SPATA1: variants seen among roughly 807,000 people sequenced by gnomAD.
SPATA1 encodes the protein spermatogenesis-associated protein 1.
A neutral mutation model predicts 59.6 loss-of-function variants in SPATA1; 57 were observed. The observed-to-expected ratio is 0.96, with a 90% confidence interval of 0.77 to 1.19. The LOEUF (loss-of-function observed/expected upper bound fraction) is 1.19, where lower values mean the gene tolerates loss of function less well. Among genes scored for constraint, SPATA1 ranks in the 50% most tolerant of loss-of-function variants. The pLI is 0.00. For synonymous variants in SPATA1, 147 were observed against 163.9 expected (o/e 0.90, Z 0.79); for missense variants, 448 against 480.7 (o/e 0.93, Z 0.64).
intron 8 of SPATA1, among the ~76,000 whole-genome samples, chr1:84,537,242 A>T (rs911979743): frequency 6.6e-6 from 1 of 152,108 alleles, no homozygotes; most frequent in Non-Finnish European, 1.5e-5. Context: ...TTACTATATA[A>T]GAGAAAACAG....
intron 1 of SPATA1, among the ~76,000 whole-genome samples, chr1:84,509,247 G>A (rs1682426891): frequency 6.7e-6 from 1 of 150,308 alleles, no homozygotes; most frequent in South Asian, 2.1e-4. Flanking sequence ...ACAGAATAGA[G>A]AACCCAGAAA....
intron 4 of SPATA1, chr1:84,563,691 A>G (rs748043829): frequency 8.3e-7 from 1 of 1,200,156 alleles, no homozygotes; most frequent in Non-Finnish European, 1.2e-6. Context: ...ACTCTAAAAA[A>G]TATAATAGAT....
Position 84,532,982 on chromosome 1 carries a change from G to A in SPATA1, c.659+8G>A, listed in dbSNP as rs1050114664. ...CTTTGGCACTAAAAAAAGGTAATTAGTATAGATGCTGATTCCACATGCCAT... is the reference window on the plus strand; with the variant it reads ...CTTTGGCACTAAAAAAAGGTAATTAATATAGATGCTGATTCCACATGCCAT... On this transcript the variant is annotated splice_region_variant and intron_variant, in intron 7 of 12. Transcript: ENST00000490879. The A allele has an allele frequency of 5.7e-5, 86 of 1,521,580 alleles. No individual in the cohort carries two copies. The highest frequency in any genetic ancestry group is 7.5e-5 in the Non-Finnish European group (84 of 1,121,668). The allele number at this position is 1,521,580 out of a possible 1,614,324, so 94.3% of individuals were successfully genotyped here. A position where few individuals can be genotyped will look rare whatever the true frequency, so the allele number is the denominator to read the frequency against.
At position 84,532,976 on chromosome 1, in the gene SPATA1, TAA is replaced by T. The variant is rs1288109233; in HGVS notation, c.659+3_659+4del. 1.3e-6 allele frequency: 2 copies of T among 1,537,686 alleles called. No homozygotes were observed. Among genetic ancestry groups the T allele is most frequent in the Non-Finnish European group, 1.8e-6 (2 of 1,134,890 alleles). ...TGATTGCTTTGGCACTAAAAAAAGG[TAA>T]TTAGTATAGATGCTGATTCCACATG... On this transcript the variant is annotated splice_donor_region_variant and intron_variant, in intron 7 of 12. Coordinates refer to ENST00000490879, the Ensembl canonical transcript of SPATA1.
At chr1:84,539,639 G>C (rs997787984) in intron 8 of SPATA1, among the ~76,000 whole-genome samples, 1 of 151,998 alleles carries the variant, frequency 6.6e-6, no homozygotes, top group African/African-American at 2.4e-5. Flanking sequence ...ATTTCTATTG[G>C]GTTGTCTGCC....
chr1:84,546,711 T>C lies in SPATA1; in HGVS notation c.946+952T>C, dbSNP rs1684098328. On this transcript the variant is annotated intron_variant, in intron 10 of 12. Transcript: ENST00000490879. ...CTTCCCAGTTTACCTGCCTATTTCC[T>C]ATTAGTCAGTCAAGATCACCTTATA... is the stretch of plus-strand genomic sequence containing the variant. Among the ~76,000 whole-genome samples the C allele has an allele frequency of 2.0e-5, 3 of 152,176 alleles. No individual in the cohort carries two copies. The South Asian group carries it at 6.2e-4, about 32-fold the overall frequency.
In SPATA1 at chr1:84,533,779, A is replaced by T. The variant is rs532617818; in HGVS notation, c.717+13A>T. The T allele has an allele frequency of 1.3e-6, 2 of 1,533,600 alleles. No homozygotes were observed. Among genetic ancestry groups the T allele is most frequent in the East Asian group, 4.8e-5 (2 of 41,554 alleles). The allele number at this position is 1,533,600 out of a possible 1,614,324, so 95.0% of individuals were successfully genotyped here. A position where few individuals can be genotyped will look rare whatever the true frequency, so the allele number is the denominator to read the frequency against. ...ACAGGACAATCAGGTACTATTTAAA[A>T]TTTTTTGTTTAAACATGGTATTGCA... is the stretch of plus-strand genomic sequence containing the variant. On this transcript the variant is annotated intron_variant, in intron 8 of 12. Coordinates refer to ENST00000490879, the Ensembl canonical transcript of SPATA1.
intron 2 of SPATA1, 95 bp from the exon 3 acceptor site, chr1:84,520,490 T>C: frequency 1.3e-6 from 1 of 756,056 alleles, no homozygotes. Flanking sequence ...GTTTTTTTTC[T>C]ATTGTGTTTA....
chr1:84,546,457 C>CAAAAAAAA (rs10618711), intron 10 of SPATA1, among the ~76,000 whole-genome samples: 1 of 82,070 alleles, frequency 1.2e-5, no homozygotes, highest in Non-Finnish European at 2.5e-5. Flanking sequence ...GACTCTGCCT[C>CAAAAAAAA]AAAAAAAAAA....
exon 6 of SPATA1, chr1:84,526,056 A>G (rs1338257839): frequency 6.2e-7 from 1 of 1,610,202 alleles, no homozygotes; most frequent in South Asian, 1.1e-5. Context: ...GAGCTTCCTA[A>G]CAAGAATCAG....
intron 1 of SPATA1, among the ~76,000 whole-genome samples, chr1:84,509,069 TAAAACTTATACAG>T (rs1682414478): frequency 6.6e-6 from 1 of 152,122 alleles, no homozygotes; most frequent in African/African-American, 2.4e-5. Context: ...AAAACAATCC[TAAAACTTATACAG>T]AACCATAAAA....
chr1:84,516,759 A>G (rs1373875120), intron 2 of SPATA1, among the ~76,000 whole-genome samples: 2 of 152,184 alleles, frequency 1.3e-5, no homozygotes. Flanking sequence ...GCTTGGCAAA[A>G]CAACAAACAT....
intron 9 of SPATA1, among the ~76,000 whole-genome samples, chr1:84,544,636 C>CGT (rs1423465685): frequency 6.6e-6 from 1 of 152,050 alleles, no homozygotes; most frequent in African/African-American, 2.4e-5. Context: ...TCTCAGCTCA[C>CGT]TGCAACCTCC....
intron 8 of SPATA1, among the ~76,000 whole-genome samples, chr1:84,538,845 G>C (rs1683809160): frequency 6.6e-6 from 1 of 152,150 alleles, no homozygotes; most frequent in African/African-American, 2.4e-5. Flanking sequence ...TGTTGCCCAG[G>C]CTGGAATGCA....
At chr1:84,556,442 G>T (rs1684431014), downstream of SPATA1, among the ~76,000 whole-genome samples, 1 of 152,112 alleles carries the variant, frequency 6.6e-6, no homozygotes, top group Non-Finnish European at 1.5e-5. Context: ...GCCGGGCACG[G>T]TGTCTCAGGC....
chr1:84,535,716 T>G (rs1241929976), intron 8 of SPATA1, among the ~76,000 whole-genome samples: 2 of 152,186 alleles, frequency 1.3e-5, no homozygotes, highest in Non-Finnish European at 2.9e-5. Flanking sequence ...CTATCAGGTT[T>G]TTTTTTTGTA....
chr1:84,508,345 A>C (rs1163488896), intron 1 of SPATA1, among the ~76,000 whole-genome samples: 1 of 151,876 alleles, frequency 6.6e-6, no homozygotes, highest in Non-Finnish European at 1.5e-5. Flanking sequence ...AGTGATTACC[A>C]GTAAATATAG....
At chr1:84,526,372 G>T (rs1391496822) in intron 6 of SPATA1, among the ~76,000 whole-genome samples, 1 of 151,998 alleles carries the variant, frequency 6.6e-6, no homozygotes, top group Non-Finnish European at 1.5e-5. Flanking sequence ...AAAGCTACAG[G>T]GGAAGAGAAA....
downstream of SPATA1, among the ~76,000 whole-genome samples, chr1:84,566,582 A>G (rs1371995564): frequency 6.6e-6 from 1 of 152,196 alleles, no homozygotes; most frequent in African/African-American, 2.4e-5. Context: ...TGTTGAATAA[A>G]TCATTTAAAT....
Sources: allele counts gnomAD v4.1 joint callset (sites outside exome capture counted in the v4.1 genomes callset), GRCh38; gene constraint gnomAD v4.1.1; transcripts MANE v1.5; gene names NCBI Gene and HGNC (gene_info 2026-07-23, HGNC 2026-07-21).